The following LTBP1 variants were observed in gnomAD, a reference collection of about 807,000 sequenced individuals.
The protein encoded by LTBP1 is latent-transforming growth factor beta-binding protein 1.
In LTBP1, 129 loss-of-function variants were observed where a neutral mutation model predicts 207.6. That is an observed-to-expected ratio of 0.62 (90% CI 0.54 to 0.72). The LOEUF is 0.72. LTBP1 is among the 30% of genes least tolerant of loss of function. The pLI is 0.00. For missense variants in LTBP1, 2,281 were observed against 2,217.2 expected (o/e 1.03, Z -0.58); for synonymous variants, 963 against 833.7 (o/e 1.16, Z -2.67).
At chr2:33,265,343 G>A (rs774248112) in intron 15 of LTBP1, among the ~76,000 whole-genome samples, 7 of 152,170 alleles carry the variant, frequency 4.6e-5, no homozygotes, top group Non-Finnish European at 1.0e-4. Context: ...TCTATTTTAA[G>A]ACATCTTGTC....
intron 7 of LTBP1, among the ~76,000 whole-genome samples, chr2:33,215,581 C>G (rs1490182314): frequency 3.3e-5 from 5 of 152,098 alleles, no homozygotes; most frequent in African/African-American, 1.2e-4. Flanking sequence ...AAACGCTGCC[C>G]CTGGAGGCCT....
At chr2:33,138,887 C>T (rs1270156381) in intron 5 of LTBP1, among the ~76,000 whole-genome samples, 1 of 105,956 alleles carries the variant, frequency 9.4e-6, no homozygotes, top group Non-Finnish European at 1.7e-5. Flanking sequence ...GAGACGGAGT[C>T]TCGCTCTGTC....
At chr2:33,155,289 C>T (rs183721500) in intron 5 of LTBP1, among the ~76,000 whole-genome samples, 47 of 152,096 alleles carry the variant, frequency 3.1e-4, no homozygotes, top group Admixed American at 2.5e-3. Context: ...TACTCTCGAA[C>T]TCCCGACCGA....
At chr2:33,113,371 C>A (rs1027846245) in intron 4 of LTBP1, among the ~76,000 whole-genome samples, 1 of 152,048 alleles carries the variant, frequency 6.6e-6, no homozygotes, top group Non-Finnish European at 1.5e-5. Flanking sequence ...AGAAAAAGAA[C>A]AATTGTTTTG....
intron 3 of LTBP1, among the ~76,000 whole-genome samples, chr2:33,025,164 A>G (rs1001405084): frequency 6.6e-6 from 1 of 152,226 alleles, no homozygotes; most frequent in African/African-American, 2.4e-5. Flanking sequence ...TAAGGATGCC[A>G]CACCCTCACG....
intron 19 of LTBP1, among the ~76,000 whole-genome samples, chr2:33,283,675 A>G (rs2093609078): frequency 6.6e-6 from 1 of 152,028 alleles, no homozygotes; most frequent in Non-Finnish European, 1.5e-5. Flanking sequence ...TGACCTCGTG[A>G]TCCACCCGCC....
chr2:32,969,391 G>A (rs958606593), intron 2 of LTBP1, among the ~76,000 whole-genome samples: 1 of 152,106 alleles, frequency 6.6e-6, no homozygotes, highest in Non-Finnish European at 1.5e-5. Flanking sequence ...AATAAGCACA[G>A]TACCTAATAG....
rs773710623 is a variant in LTBP1 at position 33,021,026 on chromosome 2, C to T, written c.683C>T (p.Ser228Leu). Residue 228 changes from serine (S) to leucine (L), a missense_variant, in exon 3 of 34, where the codon TCA becomes TTA. Ser to Leu is a moderately radical substitution (Grantham distance 145). Coordinates refer to ENST00000404816, the MANE Select transcript of LTBP1 (RefSeq NM_206943.4). Reference protein sequence around the residue: ...CETIAAQDTSSPVFGGQSPGA... With the variant: ...CETIAAQDTSLPVFGGQSPGA... ...ACAATAGCTGCCCAGGACACCTCGT[C>T]ACCAGTCTTTGGAGGGCAGAGTCCT... The T allele has an allele frequency of 6.2e-7, 1 of 1,614,092 alleles. No homozygotes were observed.
chr2:33,119,303 T>C (rs1558660733), intron 4 of LTBP1, among the ~76,000 whole-genome samples: 2 of 152,196 alleles, frequency 1.3e-5, no homozygotes, highest in South Asian at 4.1e-4. Context: ...AGGGTTTTAG[T>C]TGATTTTACT....
Position 33,186,835 on chromosome 2 carries a change from GT to G in LTBP1, c.1202-17del. 6.3e-7 allele frequency: 1 copy of G among 1,597,416 alleles called. No homozygotes were observed. On this transcript the variant is annotated intron_variant, in intron 5 of 33. Transcript: ENST00000404816. ...TCTGAGAGACTAACCAACTCTCCATGTTTTCTCTTTTCCCTTTTAGTAATTT... is the reference window on the plus strand; with the variant it reads ...TCTGAGAGACTAACCAACTCTCCATGTTTCTCTTTTCCCTTTTAGTAATTT...
intron 22 of LTBP1, among the ~76,000 whole-genome samples, chr2:33,303,948 G>GAACT (rs1051491667): frequency 4.6e-5 from 7 of 152,182 alleles, no homozygotes; most frequent in Admixed American, 2.6e-4. Context: ...AGCCAAGAAG[G>GAACT]AACTGCACCA....
At chr2:32,969,024 C>T (rs1484015154) in intron 2 of LTBP1, among the ~76,000 whole-genome samples, 15 of 150,022 alleles carry the variant, frequency 1.0e-4, no homozygotes, top group Non-Finnish European at 1.9e-4. Flanking sequence ...AAGCAGGGCT[C>T]GAGCAATTCC....
intron 7 of LTBP1, among the ~76,000 whole-genome samples, chr2:33,211,302 A>G (rs2090292429): frequency 6.6e-6 from 1 of 152,160 alleles, no homozygotes; most frequent in African/African-American, 2.4e-5. Flanking sequence ...GGTTTTACCC[A>G]CACCAGGCAC....
chr2:32,947,704 C>A lies in LTBP1; in HGVS notation c.380C>A (p.Ala127Glu). ...QLHPNPGGHP[A>E]AAPFTKQGRQ... ...CACCCCAATCCCGGCGGCCACCCGG[C>A]AGCCGCCCCGTTCACCAAACAAGGC... Residue 127 changes from alanine (A) to glutamate (E), a missense_variant, in exon 1 of 34, where the codon GCA becomes GAA. By Grantham distance (107) the Ala-to-Glu change is moderately radical. Coordinates refer to ENST00000404816, the MANE Select transcript of LTBP1 (RefSeq NM_206943.4). 6.6e-7 allele frequency: 1 copy of A among 1,524,290 alleles called. No homozygotes were observed. Among genetic ancestry groups the A allele is most frequent in the East Asian group, 2.8e-5 (1 of 35,930 alleles). The allele number at this position is 1,524,290 out of a possible 1,614,324, so 94.4% of individuals were successfully genotyped here.
At chr2:33,000,672 A>G (rs1685958165) in intron 2 of LTBP1, among the ~76,000 whole-genome samples, 1 of 134,620 alleles carries the variant, frequency 7.4e-6, no homozygotes, top group African/African-American at 2.6e-5. Context: ...CTCATGCCTC[A>G]TTTGCTGCCT....
intron 2 of LTBP1, among the ~76,000 whole-genome samples, chr2:32,990,201 C>T (rs1481938599): frequency 6.6e-6 from 1 of 152,176 alleles, no homozygotes; most frequent in Non-Finnish European, 1.5e-5. Flanking sequence ...ATCGATATTC[C>T]ATGCATACGC....
chr2:33,145,969 C>A (rs896973879), intron 5 of LTBP1, among the ~76,000 whole-genome samples: 4 of 152,186 alleles, frequency 2.6e-5, no homozygotes, highest in Non-Finnish European at 4.4e-5. Flanking sequence ...CAAAGTCTAT[C>A]ATATTTTGGA....
intron 3 of LTBP1, among the ~76,000 whole-genome samples, chr2:33,091,356 A>G (rs77100623): frequency 0.022 from 3,386 of 152,240 alleles, 44 homozygotes; most frequent in South Asian, 0.045. Context: ...TAATACTAGT[A>G]GTAACAGAGA....
intron 2 of LTBP1, among the ~76,000 whole-genome samples, chr2:32,961,017 A>C (rs543829973): frequency 8.5e-5 from 13 of 152,260 alleles, no homozygotes; most frequent in Admixed American, 5.2e-4. Context: ...GAGTGCATGC[A>C]AGTGTATTTT....
Sources: gnomAD v4.1 joint callset for allele counts (sites outside exome capture counted in the v4.1 genomes callset) on GRCh38, gnomAD v4.1.1 for gene constraint, MANE v1.5 for transcripts, NCBI Gene and HGNC (gene_info 2026-07-23, HGNC 2026-07-21) for gene names.